The following PTK6 variants were observed in gnomAD, a reference collection of about 807,000 sequenced individuals.
PTK6 encodes the protein protein tyrosine kinase 6.
Under a neutral mutation model 47.5 loss-of-function variants are expected in PTK6, and 47 were observed. The ratio of observed to expected loss-of-function variants is 0.99; its 90% CI spans 0.78 to 1.26. The LOEUF (loss-of-function observed/expected upper bound fraction) is 1.26, where lower values mean the gene tolerates loss of function less well. Among genes scored for constraint, PTK6 ranks in the 50% most tolerant of loss-of-function variants. The pLI is 0.00. For missense variants in PTK6, 618 were observed against 625.3 expected, an observed-to-expected ratio of 0.99 and a Z score of 0.12; for synonymous variants, 287 against 276.5, an observed-to-expected ratio of 1.04 and a Z score of -0.38.
intron 5 of PTK6, among the ~76,000 whole-genome samples, chr20:63,531,914 G>T (rs9680013): frequency 0.13 from 19,766 of 152,178 alleles, 4,088 homozygotes; most frequent in African/African-American, 0.44. Flanking sequence ...CGCTCAGAGC[G>T]CAAACGTGCG....
At position 63,529,862 on chromosome 20, in the gene PTK6, G is replaced by T; in HGVS notation, c.1169-139C>A. 8.9e-7 allele frequency: 1 copy of T among 1,127,100 alleles called. No homozygotes were observed. Among genetic ancestry groups the T allele is most frequent in the Non-Finnish European group, 1.2e-6 (1 of 809,786 alleles). The allele number at this position is 1,127,100 out of a possible 1,614,324, so 69.8% of individuals were successfully genotyped here. A position where few individuals can be genotyped will look rare whatever the true frequency, so the allele number is the denominator to read the frequency against. On this transcript the variant is annotated intron_variant, in intron 7 of 7. Coordinates refer to ENST00000542869, the MANE Select transcript of PTK6 (RefSeq NM_005975.4). The surrounding 1 kb of genome is among the most constrained non-coding windows in gnomAD (Gnocchi z 5.6). ...ATGCCTTGGCGCCACCCAGCACACTGTCCACTGCTAACACCTCCCTCTGGA... is the reference window on the plus strand; with the variant it reads ...ATGCCTTGGCGCCACCCAGCACACTTTCCACTGCTAACACCTCCCTCTGGA...
chr20:63,532,800 G>C, intron 4 of PTK6, 113 bp from the exon 5 acceptor site: 5 of 1,367,494 alleles, frequency 3.7e-6, no homozygotes, highest in Non-Finnish European at 4.9e-6. Context: ...AGCTGTGCAG[G>C]ACACACAGAC....
chr20:63,533,754 GC>G lies in PTK6; in HGVS notation c.517-51del. The G allele has an allele frequency of 6.4e-7, 1 of 1,571,996 alleles. No individual in the cohort carries two copies. The highest frequency in any genetic ancestry group is 8.6e-7 in the Non-Finnish European group (1 of 1,158,834). On this transcript the variant is annotated intron_variant, in intron 3 of 7. Coordinates refer to ENST00000542869, the MANE Select transcript of PTK6 (RefSeq NM_005975.4). This position sits in a 1 kb window ranked among gnomAD's most constrained non-coding sequence, Gnocchi z 4.0. ...GGCAGGGGCTCATCCTTCAGGAAGT[GC>G]CAGTCTGAAGCCAGCACAGGGAGCC... is the stretch of plus-strand genomic sequence containing the variant.
chr20:63,530,787 G>GGGTGTTT lies in PTK6; in HGVS notation c.966_972dup (p.Leu325LysfsTer24). The GGGTGTTT allele has an allele frequency of 6.2e-7, 1 of 1,614,118 alleles. No individual in the cohort carries two copies. Among genetic ancestry groups the GGGTGTTT allele is most frequent in the Non-Finnish European group, 8.5e-7 (1 of 1,179,970 alleles). On this transcript the variant is annotated frameshift_variant, in exon 6 of 8. Coordinates refer to ENST00000542869, the MANE Select transcript of PTK6 (RefSeq NM_005975.4). LOFTEE classifies it high-confidence loss of function. The surrounding 1 kb of genome is among the most constrained non-coding windows in gnomAD (Gnocchi z 4.1). ...AACCCGAAGTCCCCAACTTTGCAGAGGGTGTTTTCCCCGACGAGGATGTTC... is the reference window on the plus strand; with the variant it reads ...AACCCGAAGTCCCCAACTTTGCAGAGGGTGTTTGGTGTTTTCCCCGACGAGGATGTTC...
At position 63,529,711 on chromosome 20, in the gene PTK6, T is replaced by C. The variant is rs2082603203; in HGVS notation, c.1181A>G (p.His394Arg). ...GGCGTCCACCCTCAGGAAGGCCTCA[T>C]GGTTGGACATGCCTGCGGCCGACAG... ...GQVPYPGMSN[H>R]EAFLRVDAGY... The change falls in exon 8 of 8, where the codon CAT becomes CGT. Residue 394 changes from histidine (H) to arginine (R), a missense_variant. Transcript: ENST00000542869. The surrounding 1 kb of genome is among the most constrained non-coding windows in gnomAD (Gnocchi z 5.6). 2 of 1,542,722 alleles carry C rather than the reference T, an allele frequency of 1.3e-6. No individual in the cohort carries two copies. Among genetic ancestry groups the C allele is most frequent in the South Asian group, 1.2e-5 (1 of 83,208 alleles).
Position 63,529,407 on chromosome 20 carries a change from T to C in PTK6, c.*129A>G. ...GTGTATTGGACGCAGACACTCCACA[T>C]TTGTGAACCTTTCCTGCACCCATCA... On this transcript the variant is annotated 3_prime_UTR_variant, in exon 8 of 8. Coordinates refer to ENST00000542869, the MANE Select transcript of PTK6 (RefSeq NM_005975.4). This position sits in a 1 kb window ranked among gnomAD's most constrained non-coding sequence, Gnocchi z 5.6. The C allele has an allele frequency of 9.6e-7, 1 of 1,046,396 alleles. No individual in the cohort carries two copies. Among genetic ancestry groups the C allele is most frequent in the South Asian group, 1.7e-5 (1 of 57,332 alleles). 64.8% of individuals were successfully genotyped at this position (1,046,396 alleles called of 1,614,324 possible).
At chr20:63,535,193 G>C in intron 1 of PTK6, 134 bp from the exon 2 acceptor site, 1 of 1,262,766 alleles carries the variant, frequency 7.9e-7, no homozygotes, top group Non-Finnish European at 1.1e-6. Flanking sequence ...GACCACAGCT[G>C]CTCTCAGGAG....
Position 63,529,768 on chromosome 20 carries a change from C to A in PTK6, c.1169-45G>T. ...GAAGAGCTGGGGCCCACCTGCCTAC[C>A]CTCCCCCAAGAAGCCACACCAGCCA... is the stretch of plus-strand genomic sequence containing the variant. On this transcript the variant is annotated intron_variant, in intron 7 of 7. Coordinates refer to ENST00000542869, the MANE Select transcript of PTK6 (RefSeq NM_005975.4). The surrounding 1 kb of genome is among the most constrained non-coding windows in gnomAD (Gnocchi z 5.6). 6.7e-7 allele frequency: 1 copy of A among 1,492,910 alleles called. No individual in the cohort carries two copies. The highest frequency in any genetic ancestry group is 1.3e-5 in the South Asian group (1 of 78,482). 92.5% of individuals were successfully genotyped at this position (1,492,910 alleles called of 1,614,324 possible).
At chr20:63,534,831 C>T (rs2082651333) in intron 2 of PTK6, 107 bp downstream of exon 2, 1 of 1,418,220 alleles carries the variant, frequency 7.1e-7, no homozygotes, top group Admixed American at 2.5e-5. Flanking sequence ...GAGAGGAGCC[C>T]ATGTCCCCCG....
In PTK6 at chr20:63,537,129, C is replaced by T. The variant is rs940073839; in HGVS notation, c.186G>A (p.Val62=). The T allele has an allele frequency of 6.2e-7, 1 of 1,611,086 alleles. No individual in the cohort carries two copies. Among genetic ancestry groups the T allele is most frequent in the South Asian group, 1.1e-5 (1 of 90,748 alleles). ...CCCTCTCGGCCAGGTAGTTGTGGGG[C>T]ACATAGCCCTGGGCCACGGCCCCAC... is the stretch of plus-strand genomic sequence containing the variant. ...EAGGAVAQGY[V]PHNYLAERET... Residue 62 remains valine (V), a synonymous_variant, in exon 1 of 8, where the codon GTG becomes GTA. Coordinates refer to ENST00000542869, the MANE Select transcript of PTK6 (RefSeq NM_005975.4).
chr20:63,534,961 G>A lies in PTK6; in HGVS notation c.329C>T (p.Pro110Leu), dbSNP rs546666611. ...GAFLIRVSEK[P>L]SADYVLSVRD... Reference sequence around the variant, plus strand: ...ACCCGACAGGACGTAGTCGGCACTCGGCTTCTCGCTGACCCTGATCAGGAA... The same window carrying A: ...ACCCGACAGGACGTAGTCGGCACTCAGCTTCTCGCTGACCCTGATCAGGAA... Residue 110 changes from proline (P) to leucine (L), a missense_variant, in exon 2 of 8, where the codon CCG becomes CTG. By Grantham distance (98) the Pro-to-Leu change is moderately conservative. Transcript: ENST00000542869. 24 of 1,605,450 alleles carry A rather than the reference G, an allele frequency of 1.5e-5. No individual in the cohort carries two copies. The Middle Eastern group carries it at 5.0e-4, about 33-fold the overall frequency.
chr20:63,537,322 G>A lies in PTK6; in HGVS notation c.-8C>T, dbSNP rs112292596. 1.6e-4 allele frequency: 263 copies of A among 1,601,090 alleles called. No individual in the cohort carries two copies. The African/African-American group carries it at 3.0e-3, about 18-fold the overall frequency. On this transcript the variant is annotated 5_prime_UTR_variant, in exon 1 of 8. Coordinates refer to ENST00000542869, the MANE Select transcript of PTK6 (RefSeq NM_005975.4). ...CTGGTCCCGGGACACCATGGCGGGC[G>A]GGCGCAGCGGCAGGACCAGGCTGTG...
intron 5 of PTK6, 143 bp from the exon 6 acceptor site, chr20:63,531,070 T>C (rs1163584042): frequency 1.3e-6 from 1 of 780,602 alleles, no homozygotes; most frequent in Non-Finnish European, 1.9e-6. Flanking sequence ...GCTGGCCTGA[T>C]TGAAAATTGG....
At chr20:63,534,439 G>T in intron 2 of PTK6, 124 bp from the exon 3 acceptor site, 1 of 1,248,374 alleles carries the variant, frequency 8.0e-7, no homozygotes, top group Non-Finnish European at 1.1e-6. Context: ...TGCTTCCTCA[G>T]TACCACCCCT....
rs369157704 is a variant in PTK6 at position 63,529,582 on chromosome 20, A to G, written c.1310T>C (p.Leu437Pro). The change falls in exon 8 of 8, where the codon CTG becomes CCG. Residue 437 changes from leucine (L) to proline (P), a missense_variant. By Grantham distance (98) the Leu-to-Pro change is moderately conservative. Transcript: ENST00000542869. The surrounding 1 kb of genome is among the most constrained non-coding windows in gnomAD (Gnocchi z 5.6). ...GGTGAAGCTGGAGAGCCTCTCCCGC[A>G]GGGCCTTGAAGCAGGGTCTCTGCTC... The part of the protein sequence containing the change: ...DPEQRPCFKA[L>P]RERLSSFTSY... 38 of 1,574,490 alleles carry G rather than the reference A, an allele frequency of 2.4e-5. No homozygotes were observed. The highest frequency in any genetic ancestry group is 3.2e-5 in the Non-Finnish European group (37 of 1,160,042).
In PTK6 at chr20:63,532,351, GTGTC is replaced by G. The variant is rs1569011323; in HGVS notation, c.832+171_832+174del. Among the ~76,000 whole-genome samples, 424 of 150,472 alleles carry G rather than the reference GTGTC, an allele frequency of 2.8e-3. 4 individuals carry two copies. The highest frequency in any genetic ancestry group is 0.01 in the African/African-American group (406 of 40,530). ...TCTGTGTGCATGTGTGTGTGCATGT[GTGTC>G]TGTGCGTGTGTGTCTCTGTGTGTCT... On this transcript the variant is annotated intron_variant, in intron 5 of 7. Transcript: ENST00000542869.
chr20:63,529,676 T>C lies in PTK6; in HGVS notation c.1216A>G (p.Met406Val), dbSNP rs2082602872. The C allele has an allele frequency of 1.3e-6, 2 of 1,546,510 alleles. No individual in the cohort carries two copies. The highest frequency in any genetic ancestry group is 8.7e-7 in the Non-Finnish European group (1 of 1,145,786). ...AFLRVDAGYRMPCPLECPPSV... is the reference protein window; with the variant it reads ...AFLRVDAGYRVPCPLECPPSV... The stretch of plus-strand genomic sequence containing the variant: ...GGCGGGCACTCCAGAGGGCAGGGCA[T>C]GCGGTAGCCGGCGTCCACCCTCAGG... Residue 406 changes from methionine to valine, a missense_variant, in exon 8 of 8, where the codon ATG becomes GTG. Coordinates refer to ENST00000542869, the MANE Select transcript of PTK6 (RefSeq NM_005975.4). The surrounding 1 kb of genome is among the most constrained non-coding windows in gnomAD (Gnocchi z 5.6).
rs1249334866 is a variant in PTK6, at chr20:63,530,034, C to G, written c.1168+44G>C. The G allele has an allele frequency of 1.9e-6, 3 of 1,607,350 alleles. No individual in the cohort carries two copies. Among genetic ancestry groups the G allele is most frequent in the Non-Finnish European group, 2.6e-6 (3 of 1,176,302 alleles). On this transcript the variant is annotated intron_variant, in intron 7 of 7. Coordinates refer to ENST00000542869, the MANE Select transcript of PTK6 (RefSeq NM_005975.4). The surrounding 1 kb of genome is among the most constrained non-coding windows in gnomAD (Gnocchi z 4.1). ...CCCTGCCGGCTACCCAGGACCTCCC[C>G]CACTCTGCCTCTCATGCCCAGTCAG...
rs778291775 is a variant in PTK6 at position 63,529,728 on chromosome 20, G to A, written c.1169-5C>T. On this transcript the variant is annotated splice_polypyrimidine_tract_variant and splice_region_variant and intron_variant, in intron 7 of 7. Coordinates refer to ENST00000542869, the MANE Select transcript of PTK6 (RefSeq NM_005975.4). This position sits in a 1 kb window ranked among gnomAD's most constrained non-coding sequence, Gnocchi z 5.6. Reference sequence around the variant, plus strand: ...AGGCCTCATGGTTGGACATGCCTGCGGCCGACAGGGATGAGAAGAGCTGGG... The same window carrying A: ...AGGCCTCATGGTTGGACATGCCTGCAGCCGACAGGGATGAGAAGAGCTGGG... The A allele has an allele frequency of 7.2e-6, 11 of 1,537,540 alleles. No individual in the cohort carries two copies. The highest frequency in any genetic ancestry group is 2.4e-5 in the South Asian group (2 of 82,576).
Sources: gnomAD v4.1 joint callset for allele counts (sites outside exome capture counted in the v4.1 genomes callset) on GRCh38, gnomAD v4.1.1 for gene constraint, Gnocchi (gnomAD v3.1) non-coding constraint, MANE v1.5 for transcripts, NCBI Gene and HGNC (gene_info 2026-07-23, HGNC 2026-07-21) for gene names.